TMEM245: variants seen among roughly 807,000 people sequenced by gnomAD.
The protein encoded by TMEM245 is protein CG-2.
In TMEM245, 69 loss-of-function variants were observed where a neutral mutation model predicts 101.2. The observed-to-expected ratio is 0.68, with a 90% CI of 0.56 to 0.83. The LOEUF (loss-of-function observed/expected upper bound fraction) is 0.83, where lower values mean the gene tolerates loss of function less well. Among genes scored for constraint, TMEM245 ranks in the 40% least tolerant of loss-of-function variants. The pLI, the probability that TMEM245 is intolerant of heterozygous loss-of-function variation, is 0.00. For synonymous variants in TMEM245, 537 were observed against 449.8 expected, an observed-to-expected ratio of 1.19 and a Z score of -2.45; for missense variants, 1,075 against 1,092.8, an observed-to-expected ratio of 0.98 and a Z score of 0.23.
chr9:109,108,582 G>A lies in TMEM245; in HGVS notation c.580-12C>T. On this transcript the variant is annotated splice_polypyrimidine_tract_variant and intron_variant, in intron 1 of 17. Coordinates refer to ENST00000374586, the MANE Select transcript of TMEM245 (RefSeq NM_032012.4). ...ACCAACGTCCAGATCTTAAATAAAT[G>A]AAAGACACAGCTGTAAAATCTATAC... The A allele has an allele frequency of 6.4e-7, 1 of 1,559,746 alleles. No individual in the cohort carries two copies. Among genetic ancestry groups the A allele is most frequent in the African/African-American group, 1.4e-5 (1 of 72,772 alleles).
chr9:109,092,771 C>A (rs1830041275), intron 4 of TMEM245, among the ~76,000 whole-genome samples: 1 of 152,190 alleles, frequency 6.6e-6, no homozygotes, highest in Non-Finnish European at 1.5e-5. Flanking sequence ...CATTCTGGAA[C>A]TCTGCAAGAG....
intron 1 of TMEM245, 76 bp from the exon 2 acceptor site, chr9:109,108,646 T>C (rs1046256294): frequency 9.3e-7 from 1 of 1,077,182 alleles, no homozygotes; most frequent in Non-Finnish European, 1.4e-6. Context: ...AATCTGTAAG[T>C]GTCTATACAG....
chr9:109,033,433 G>A lies in TMEM245; in HGVS notation c.2468C>T (p.Ala823Val). The change falls in exon 17 of 18, where the codon GCA (alanine) becomes GTA (valine). Residue 823 changes from alanine (A) to valine (V), a missense_variant. Physicochemically the swap from Ala to Val is moderately conservative, Grantham distance 64. Coordinates refer to ENST00000374586, the MANE Select transcript of TMEM245 (RefSeq NM_032012.4). ...GGAYYLGLEGAIIGPILLCIL... is the reference protein window; with the variant it reads ...GGAYYLGLEGVIIGPILLCIL... ...GCAGAGAAGAATAGGACCGATGATT[G>A]CTCCTTCCAGGCCTAGGTAGTATGC... 1 of 1,614,040 alleles carries A rather than the reference G, an allele frequency of 6.2e-7. No homozygotes were observed. Among genetic ancestry groups the A allele is most frequent in the African/African-American group, 1.3e-5 (1 of 75,010 alleles).
chr9:109,033,637 A>G, intron 16 of TMEM245, 136 bp from the exon 17 acceptor site: 1 of 681,908 alleles, frequency 1.5e-6, no homozygotes, highest in South Asian at 3.3e-5. Flanking sequence ...CTCGATGCAT[A>G]CAACTGAACA....
chr9:109,022,005 A>G (rs1378214022), intron 17 of TMEM245, among the ~76,000 whole-genome samples: 1 of 152,240 alleles, frequency 6.6e-6, no homozygotes, highest in Admixed American at 6.5e-5. Flanking sequence ...ATGTAATTCC[A>G]CAATCATGCC....
chr9:109,020,711 C>G (rs535431437), intron 17 of TMEM245, among the ~76,000 whole-genome samples: 44 of 152,270 alleles, frequency 2.9e-4, no homozygotes, highest in African/African-American at 9.6e-4. Flanking sequence ...AGGACTGTTT[C>G]CCCAGACTCC....
At chr9:109,070,779 A>T (rs72760336) in intron 9 of TMEM245, among the ~76,000 whole-genome samples, 20,448 of 152,238 alleles carry the variant, frequency 0.13, 1,611 homozygotes, top group African/African-American at 0.19. Flanking sequence ...GGCAACCATT[A>T]ATCTTACTGT....
intron 1 of TMEM245, among the ~76,000 whole-genome samples, chr9:109,115,722 G>GTT (rs2132678537): frequency 6.6e-6 from 1 of 151,874 alleles, no homozygotes; most frequent in East Asian, 1.9e-4. Flanking sequence ...TAGAGACGGG[G>GTT]TTTCACCATG....
chr9:109,063,203 T>A (rs974155528), intron 10 of TMEM245, among the ~76,000 whole-genome samples: 1 of 151,746 alleles, frequency 6.6e-6, no homozygotes, highest in Admixed American at 6.6e-5. Flanking sequence ...CACTGCAACC[T>A]CTGCCTCCCG....
chr9:109,091,535 T>A (rs764702418), intron 4 of TMEM245, among the ~76,000 whole-genome samples: 3 of 152,238 alleles, frequency 2.0e-5, no homozygotes, highest in African/African-American at 2.4e-5. Context: ...TTTCTTTCAA[T>A]AGAACTTTAG....
chr9:109,067,613 G>A (rs1256223042), intron 9 of TMEM245, among the ~76,000 whole-genome samples: 2 of 152,204 alleles, frequency 1.3e-5, no homozygotes, highest in African/African-American at 4.8e-5. Context: ...CCTAATGAGG[G>A]TCCTGAGGCA....
chr9:109,089,036 G>A (rs1829923480), intron 5 of TMEM245, among the ~76,000 whole-genome samples: 1 of 151,926 alleles, frequency 6.6e-6, no homozygotes, highest in Non-Finnish European at 1.5e-5. Flanking sequence ...AGCACTTTGG[G>A]AAGCCAAGGT....
At chr9:109,027,143 G>A (rs891001580) in intron 17 of TMEM245, among the ~76,000 whole-genome samples, 6 of 152,132 alleles carry the variant, frequency 3.9e-5, no homozygotes, top group Admixed American at 6.5e-5. Context: ...TTTATTCAGC[G>A]AAATCCCCCA....
intron 4 of TMEM245, among the ~76,000 whole-genome samples, chr9:109,092,192 T>C (rs1830026842): frequency 6.6e-6 from 1 of 152,234 alleles, no homozygotes; most frequent in African/African-American, 2.4e-5. Context: ...CTCCACTGAA[T>C]TCCTGGCACA....
intron 14 of TMEM245, among the ~76,000 whole-genome samples, chr9:109,043,507 G>A (rs935536392): frequency 4.6e-5 from 7 of 152,060 alleles, no homozygotes; most frequent in African/African-American, 2.4e-5. Flanking sequence ...GCCTTTTCTT[G>A]GTTTTCTGGG....
chr9:109,036,661 T>C (rs764263235), intron 15 of TMEM245, among the ~76,000 whole-genome samples: 1 of 152,262 alleles, frequency 6.6e-6, no homozygotes, highest in Non-Finnish European at 1.5e-5. Flanking sequence ...TAGTTGCTAC[T>C]ATCAATCAAT....
chr9:109,058,609 G>T (rs1828918475), intron 11 of TMEM245, among the ~76,000 whole-genome samples: 1 of 152,120 alleles, frequency 6.6e-6, no homozygotes, highest in South Asian at 2.1e-4. Flanking sequence ...TAGGAATGTT[G>T]TCTTCTTTTT....
chr9:109,028,674 C>T (rs578223660), intron 17 of TMEM245, among the ~76,000 whole-genome samples: 36 of 151,972 alleles, frequency 2.4e-4, no homozygotes, highest in South Asian at 2.3e-3. Flanking sequence ...TCTAATCAGG[C>T]GAGCTCTTCT....
intron 3 of TMEM245, among the ~76,000 whole-genome samples, chr9:109,102,405 AAAT>A (rs879892131): frequency 9.7e-4 from 148 of 152,368 alleles, no homozygotes; most frequent in Admixed American, 1.5e-3. Flanking sequence ...TTATCAAATA[AAAT>A]AATAAAAAGC....
Sources: gnomAD v4.1 joint callset for allele counts (sites outside exome capture counted in the v4.1 genomes callset) on GRCh38, gnomAD v4.1.1 for gene constraint, MANE v1.5 for transcripts, NCBI Gene and HGNC (gene_info 2026-07-23, HGNC 2026-07-21) for gene names.